The following PMEPA1 variants were observed in gnomAD, a reference collection of about 807,000 sequenced individuals.
The protein encoded by PMEPA1 is protein TMEPAI.
In PMEPA1, 11 loss-of-function variants were observed where a neutral mutation model predicts 23.0. The observed-to-expected ratio is 0.48, with a 90% CI of 0.30 to 0.79. PMEPA1 has a LOEUF of 0.79. Ranked by LOEUF, PMEPA1 falls within the 30% of genes least tolerant of loss-of-function variation. PMEPA1 has a pLI of 0.06. For missense variants in PMEPA1, 377 were observed against 390.9 expected (o/e 0.96, Z 0.30); for synonymous variants, 204 against 166.4 (o/e 1.23, Z -1.74).
intron 1 of PMEPA1, among the ~76,000 whole-genome samples, chr20:57,667,597 G>A (rs1366143148): frequency 6.6e-6 from 1 of 152,154 alleles, no homozygotes; most frequent in Non-Finnish European, 1.5e-5. Flanking sequence ...GGCAGCTGGC[G>A]TCCTTCCTGG....
intron 2 of PMEPA1, among the ~76,000 whole-genome samples, chr20:57,657,196 A>C (rs75574390): frequency 0.02 from 3,103 of 152,194 alleles, 52 homozygotes; most frequent in Non-Finnish European, 0.031. Context: ...CCCCATGACC[A>C]CGGGCCGCAC....
chr20:57,709,753 C>T lies in PMEPA1; in HGVS notation c.-171G>A, dbSNP rs959285113. ...CAAGTTCCCGGGGCGCCGCGGGGCT[C>T]AGTGCGCGGGACCGCGCTCCGCTGC... On this transcript the variant is annotated 5_prime_UTR_variant, in exon 1 of 4. Transcript: ENST00000341744. 4.1e-6 allele frequency: 4 copies of T among 980,210 alleles called. No individual in the cohort carries two copies. Among genetic ancestry groups the T allele is most frequent in the African/African-American group, 3.5e-5 (2 of 56,514 alleles). 60.7% of individuals were successfully genotyped at this position (980,210 alleles called of 1,614,324 possible).
In PMEPA1 at chr20:57,651,948, C is replaced by G. The variant is rs1283102033; in HGVS notation, c.*105G>C. 1.1e-6 allele frequency: 1 copy of G among 910,066 alleles called. No homozygotes were observed. The highest frequency in any genetic ancestry group is 1.6e-6 in the Non-Finnish European group (1 of 631,614). The allele number at this position is 910,066 out of a possible 1,614,324, so 56.4% of individuals were successfully genotyped here. ...AGGGAGGTGGGAGGGGAGGGCCACA[C>G]GATGCGTTGCTGCGCCCCCCGCCTT... is the stretch of plus-strand genomic sequence containing the variant. On this transcript the variant is annotated 3_prime_UTR_variant, in exon 4 of 4. Transcript: ENST00000341744.
At position 57,652,746 on chromosome 20, in the gene PMEPA1, A is replaced by G; in HGVS notation, c.319-148T>C. ...AGGGCTGGCGGGGGCGGGAGCCCAG[A>G]GCCTGATCCCGCGGGGGCCCTGGCC... On this transcript the variant is annotated intron_variant, in intron 3 of 3. Coordinates refer to ENST00000341744, the MANE Select transcript of PMEPA1 (RefSeq NM_020182.5). This position sits in a 1 kb window ranked among gnomAD's most constrained non-coding sequence, Gnocchi z 6.1. 2.6e-6 allele frequency: 2 copies of G among 777,378 alleles called. No homozygotes were observed. The highest frequency in any genetic ancestry group is 3.7e-5 in the South Asian group (2 of 53,916). 48.2% of individuals were successfully genotyped at this position (777,378 alleles called of 1,614,324 possible). A position where few individuals can be genotyped will look rare whatever the true frequency, so the allele number is the denominator to read the frequency against.
intron 1 of PMEPA1, among the ~76,000 whole-genome samples, chr20:57,692,800 T>A (rs2071899678): frequency 6.6e-6 from 1 of 152,126 alleles, no homozygotes; most frequent in African/African-American, 2.4e-5. Context: ...CCAGGCTAAG[T>A]GGGAGGGTTC....
Position 57,690,435 on chromosome 20 carries a change from T to C in PMEPA1, c.109+19039A>G, listed in dbSNP as rs1269106252. 2.4e-5 allele frequency: 31 copies of C among 1,304,270 alleles called. No homozygotes were observed. The East Asian group carries it at 1.4e-3, about 58-fold the overall frequency. 80.8% of individuals were successfully genotyped at this position (1,304,270 alleles called of 1,614,324 possible). ...TGCAGGCATTTTGACTTTTCGCCTG[T>C]CATTTATCAAATTCTTTGAATTTTT... On this transcript the variant is annotated intron_variant, in intron 1 of 3. Transcript: ENST00000341744.
chr20:57,684,139 C>T (rs901344726), intron 1 of PMEPA1, among the ~76,000 whole-genome samples: 1 of 152,176 alleles, frequency 6.6e-6, no homozygotes, highest in Non-Finnish European at 1.5e-5. Context: ...ACGCCTGACT[C>T]CCCCTCCCCA....
Position 57,704,570 on chromosome 20 carries a change from C to G in PMEPA1, c.109+4904G>C, listed in dbSNP as rs994240676. On this transcript the variant is annotated intron_variant, in intron 1 of 3. Coordinates refer to ENST00000341744, the MANE Select transcript of PMEPA1 (RefSeq NM_020182.5). The surrounding 1 kb of genome is among the most constrained non-coding windows in gnomAD (Gnocchi z 4.6). ...AATTCACCGTGTAAGAGTTCCTTCT[C>G]TTTGGGCAGGATCCCAGACACCGAG... is the stretch of plus-strand genomic sequence containing the variant. Among the ~76,000 whole-genome samples the G allele has an allele frequency of 2.0e-5, 3 of 152,236 alleles. No individual in the cohort carries two copies. Among genetic ancestry groups the G allele is most frequent in the African/African-American group, 7.2e-5 (3 of 41,448 alleles).
At chr20:57,710,481 G>T (rs1222493749), upstream of PMEPA1, 4 of 1,607,842 alleles carry the variant, frequency 2.5e-6, no homozygotes, top group South Asian at 4.5e-5. Flanking sequence ...TTTCGCAGGA[G>T]ACTGTCCGCC....
chr20:57,699,820 A>T (rs752310327), intron 1 of PMEPA1, among the ~76,000 whole-genome samples: 1 of 152,262 alleles, frequency 6.6e-6, no homozygotes, highest in Non-Finnish European at 1.5e-5. Context: ...GGCTCACCTG[A>T]GCTCACCCTG....
chr20:57,695,869 T>C (rs2071937427), intron 1 of PMEPA1, among the ~76,000 whole-genome samples: 1 of 152,062 alleles, frequency 6.6e-6, no homozygotes, highest in Admixed American at 6.5e-5. Flanking sequence ...ATCCCAGAGG[T>C]AGTGGGTCTG....
intron 1 of PMEPA1, among the ~76,000 whole-genome samples, chr20:57,696,780 G>A (rs957535772): frequency 6.6e-6 from 1 of 152,224 alleles, no homozygotes; most frequent in Non-Finnish European, 1.5e-5. Flanking sequence ...ATTCTCACTA[G>A]AGTGAAAGGG....
intron 1 of PMEPA1, chr20:57,690,658 T>C (rs748166230): frequency 9.9e-6 from 10 of 1,009,100 alleles, no homozygotes; most frequent in Non-Finnish European, 1.3e-5. Flanking sequence ...TTCTCCTGCT[T>C]GGGCTCTGTC....
chr20:57,666,984 C>T (rs890342153), intron 1 of PMEPA1, among the ~76,000 whole-genome samples: 2 of 152,340 alleles, frequency 1.3e-5, no homozygotes, highest in South Asian at 4.1e-4. Flanking sequence ...CACGATGGCA[C>T]GTGTGCGATA....
intron 1 of PMEPA1, among the ~76,000 whole-genome samples, chr20:57,706,235 C>G (rs1285233192): frequency 6.6e-6 from 1 of 152,108 alleles, no homozygotes; most frequent in East Asian, 1.9e-4. Context: ...TTCCCGAGAG[C>G]GAACTTAGCA....
At chr20:57,700,292 A>C in intron 1 of PMEPA1, 1 of 366,436 alleles carries the variant, frequency 2.7e-6, no homozygotes, top group Non-Finnish European at 5.5e-6. Context: ...GTACACAATA[A>C]CTCCACTTCC....
intron 1 of PMEPA1, among the ~76,000 whole-genome samples, chr20:57,708,815 A>T (rs1379506653): frequency 6.6e-6 from 1 of 152,116 alleles, no homozygotes; most frequent in African/African-American, 2.4e-5. Context: ...AGAAAGATGG[A>T]CACGCTCAAG....
At chr20:57,672,743 C>T (rs1302293123) in intron 1 of PMEPA1, among the ~76,000 whole-genome samples, 1 of 152,162 alleles carries the variant, frequency 6.6e-6, no homozygotes, top group Non-Finnish European at 1.5e-5. Flanking sequence ...CTTGCACCAT[C>T]GGGCTCCCAG....
Position 57,650,116 on chromosome 20 carries a change from G to A in PMEPA1, c.*1937C>T, listed in dbSNP as rs912165199. The A allele has an allele frequency of 1.3e-5, 2 of 152,238 alleles. No homozygotes were observed. Among genetic ancestry groups the A allele is most frequent in the East Asian group, 1.9e-4 (1 of 5,196 alleles). The allele number at this position is 152,238 out of a possible 1,614,324, so 9.4% of individuals were successfully genotyped here. On this transcript the variant is annotated 3_prime_UTR_variant, in exon 4 of 4. Coordinates refer to ENST00000341744, the MANE Select transcript of PMEPA1 (RefSeq NM_020182.5). ...TAGGCTGGCGGCATGCAGAGCCCAC[G>A]TCTGTCAGCTGCCACCTTCGTAAAG...
Sources: allele counts gnomAD v4.1 joint callset (sites outside exome capture counted in the v4.1 genomes callset), GRCh38; gene constraint gnomAD v4.1.1; non-coding constraint Gnocchi (gnomAD v3.1); transcripts MANE v1.5; gene names NCBI Gene and HGNC (gene_info 2026-07-23, HGNC 2026-07-21).